The following RSU1 variants were observed in gnomAD, a reference collection of about 807,000 sequenced individuals.
The protein encoded by RSU1 is rsu-1.
In RSU1, 26 loss-of-function variants were observed where a neutral mutation model predicts 31.1. The observed-to-expected ratio is 0.84, with a 90% CI of 0.61 to 1.16. The LOEUF (loss-of-function observed/expected upper bound fraction) is 1.16, where lower values mean the gene tolerates loss of function less well. RSU1 is among the 50% of genes most tolerant of loss of function. The probability of loss-of-function intolerance (pLI) is 0.00; values close to 1 mark genes in which losing one functional copy is unlikely to be tolerated. For missense variants in RSU1, 320 were observed against 339.1 expected, an observed-to-expected ratio of 0.94 and a Z score of 0.44; for synonymous variants, 164 against 136.3, an observed-to-expected ratio of 1.20 and a Z score of -1.41.
intron 7 of RSU1, among the ~76,000 whole-genome samples, chr10:16,710,773 CCATCATCT>C (rs1322482630): frequency 6.6e-6 from 1 of 151,878 alleles, no homozygotes; most frequent in Non-Finnish European, 1.5e-5. Flanking sequence ...ACCCATCAAC[CCATCATCT>C]ACATTAGGAA....
chr10:16,775,992 C>T (rs1431606491), intron 3 of RSU1, among the ~76,000 whole-genome samples: 1 of 152,078 alleles, frequency 6.6e-6, no homozygotes, highest in African/African-American at 2.4e-5. Flanking sequence ...TACATATTCC[C>T]CCCTCATGGT....
chr10:16,739,466 C>CTTTTTTTT (rs35664560), intron 7 of RSU1, among the ~76,000 whole-genome samples: 5 of 94,244 alleles, frequency 5.3e-5, no homozygotes, highest in African/African-American at 1.3e-4. Flanking sequence ...CATTTTCTTC[C>CTTTTTTTT]TTTTTTTTTT....
At chr10:16,622,132 C>G (rs1045671750) in intron 8 of RSU1, among the ~76,000 whole-genome samples, 1 of 152,064 alleles carries the variant, frequency 6.6e-6, no homozygotes, top group African/African-American at 2.4e-5. Flanking sequence ...TTTAAAACCC[C>G]AATACAGGTG....
chr10:16,688,683 C>T (rs1345981576), intron 8 of RSU1, among the ~76,000 whole-genome samples: 1 of 152,080 alleles, frequency 6.6e-6, no homozygotes, highest in Non-Finnish European at 1.5e-5. Flanking sequence ...AATACATAGT[C>T]AACTTGTAAA....
At chr10:16,764,773 CAG>C (rs1387682336) in intron 3 of RSU1, among the ~76,000 whole-genome samples, 2 of 151,900 alleles carry the variant, frequency 1.3e-5, no homozygotes, top group Non-Finnish European at 1.5e-5. Flanking sequence ...AGGGGGGAAA[CAG>C]AGCAAAAATG....
At chr10:16,781,920 T>C in intron 3 of RSU1, 114 bp downstream of exon 3, 1 of 884,792 alleles carries the variant, frequency 1.1e-6, no homozygotes, top group Non-Finnish European at 1.8e-6. Flanking sequence ...AAACTAAGGT[T>C]TCTGCAAATA....
chr10:16,773,443 G>C (rs980912973), intron 3 of RSU1, among the ~76,000 whole-genome samples: 1 of 152,068 alleles, frequency 6.6e-6, no homozygotes, highest in African/African-American at 2.4e-5. Flanking sequence ...CCCGTTCTTC[G>C]ACTGGAAGGA....
intron 2 of RSU1, among the ~76,000 whole-genome samples, chr10:16,782,953 C>T (rs76047700): frequency 0.013 from 1,941 of 151,406 alleles, 62 homozygotes; most frequent in East Asian, 0.081. Context: ...ATCTGTTGCC[C>T]AGGTTGGAGT....
chr10:16,674,078 G>A (rs1325210177), intron 8 of RSU1, among the ~76,000 whole-genome samples: 1 of 152,104 alleles, frequency 6.6e-6, no homozygotes, highest in South Asian at 2.1e-4. Context: ...TGGGAGGCCT[G>A]GCTGACTCAA....
chr10:16,704,178 A>T (rs1405965816), intron 7 of RSU1, among the ~76,000 whole-genome samples: 1 of 152,228 alleles, frequency 6.6e-6, no homozygotes, highest in Non-Finnish European at 1.5e-5. Context: ...GAATTTTTAG[A>T]TACTATCACA....
At chr10:16,593,544 A>G (rs754945179) in intron 8 of RSU1, 48 bp from the exon 9 acceptor site, 1 of 1,434,126 alleles carries the variant, frequency 7.0e-7, no homozygotes, top group South Asian at 1.1e-5. Flanking sequence ...TGCCAACACA[A>G]GATAGCTTTC....
chr10:16,706,805 A>G (rs1835912968), intron 7 of RSU1, among the ~76,000 whole-genome samples: 1 of 152,168 alleles, frequency 6.6e-6, no homozygotes, highest in Non-Finnish European at 1.5e-5. Context: ...TCTACTGTGT[A>G]ACAGAACATC....
At chr10:16,690,088 C>G (rs955664780) in intron 8 of RSU1, among the ~76,000 whole-genome samples, 1 of 152,186 alleles carries the variant, frequency 6.6e-6, no homozygotes, top group Non-Finnish European at 1.5e-5. Flanking sequence ...GAGTTACCCC[C>G]TTTCACAAAG....
chr10:16,745,853 G>A (rs1361271487), intron 7 of RSU1, among the ~76,000 whole-genome samples: 1 of 152,138 alleles, frequency 6.6e-6, no homozygotes, highest in Non-Finnish European at 1.5e-5. Flanking sequence ...TTTAAAAAAC[G>A]TTTTAAACCT....
intron 7 of RSU1, among the ~76,000 whole-genome samples, chr10:16,750,361 C>A (rs1420069085): frequency 6.6e-6 from 1 of 152,040 alleles, no homozygotes; most frequent in African/African-American, 2.4e-5. Context: ...ACATACGGCT[C>A]GCAAAAATAA....
At chr10:16,755,425 T>G (rs1419508613) in intron 4 of RSU1, among the ~76,000 whole-genome samples, 2 of 151,802 alleles carry the variant, frequency 1.3e-5, no homozygotes, top group Non-Finnish European at 2.9e-5. Context: ...GCCCATCCTT[T>G]TTTTTTTTTA....
rs1270167296 is a variant in RSU1, at chr10:16,708,175, G to C, written c.599-13020C>G. ...GACTTCCCCCAAAAAACTATTAATA[G>C]CCTACTATTGATCAGAAACCTTACG... On this transcript the variant is annotated intron_variant, in intron 7 of 8. Coordinates refer to ENST00000345264, the MANE Select transcript of RSU1 (RefSeq NM_012425.4). Among the ~76,000 whole-genome samples, 64 of 152,078 alleles carry C rather than the reference G, an allele frequency of 4.2e-4. 1 individual carries two copies. The highest frequency in any genetic ancestry group is 4.2e-3 in the Admixed American group (64 of 15,252).
chr10:16,664,379 A>G (rs1455584703), intron 8 of RSU1, among the ~76,000 whole-genome samples: 1 of 152,206 alleles, frequency 6.6e-6, no homozygotes, highest in Non-Finnish European at 1.5e-5. Flanking sequence ...ATGTGGAAAG[A>G]TATTTCTGGA....
At chr10:16,655,300 A>C (rs1174924540) in intron 8 of RSU1, among the ~76,000 whole-genome samples, 3 of 152,206 alleles carry the variant, frequency 2.0e-5, no homozygotes, top group Non-Finnish European at 4.4e-5. Flanking sequence ...ACAACAATTA[A>C]ATAAAGTAAA....
Sources: gnomAD v4.1 joint callset for allele counts (sites outside exome capture counted in the v4.1 genomes callset) on GRCh38, gnomAD v4.1.1 for gene constraint, MANE v1.5 for transcripts, NCBI Gene and HGNC (gene_info 2026-07-23, HGNC 2026-07-21) for gene names.